Variants in MMRN1 observed in about 807,000 individuals in gnomAD.
MMRN1 encodes multimerin-1.
A neutral mutation model predicts 100.7 loss-of-function variants in MMRN1; 94 were observed. The observed-to-expected ratio is 0.93, with a 90% confidence interval of 0.79 to 1.11. The LOEUF (loss-of-function observed/expected upper bound fraction) is 1.11, where lower values mean the gene tolerates loss of function less well. Ranked by LOEUF, MMRN1 falls within the 50% of genes least tolerant of loss-of-function variation. MMRN1 has a pLI of 0.00. For synonymous variants in MMRN1, 575 were observed against 505.0 expected (o/e 1.14, Z -1.86); for missense variants, 1,606 against 1,439.1 (o/e 1.12, Z -1.88).
chr4:89,921,451 C>G (rs1343580467), intron 3 of MMRN1, among the ~76,000 whole-genome samples: 1 of 152,062 alleles, frequency 6.6e-6, no homozygotes, highest in East Asian at 1.9e-4. Flanking sequence ...AATAAAATGC[C>G]TTAGTACACC....
Position 89,953,151 on chromosome 4 carries a change from GTA to G in MMRN1, c.3422_3423del (p.Tyr1141SerfsTer14). 6.2e-7 allele frequency: 1 copy of G among 1,613,708 alleles called. No homozygotes were observed. The highest frequency in any genetic ancestry group is 8.5e-7 in the Non-Finnish European group (1 of 1,179,846). ...CAAGAACTGGAAAATTTAGAATTCC[GTA>G]TCTTGGAGTATATGTTTTCAAGTAC... ...TPRTGKFRIP[Y>X]LGVYVFKYTI... On this transcript the variant is annotated frameshift_variant, in exon 8 of 8. Transcript: ENST00000264790. LOFTEE classifies it high-confidence loss of function.
chr4:89,897,221 T>TTG (rs1721233852), intron 1 of MMRN1, among the ~76,000 whole-genome samples: 1 of 152,004 alleles, frequency 6.6e-6, no homozygotes, highest in South Asian at 2.1e-4. Flanking sequence ...AGAATTTTTT[T>TTG]TTTTTTGAGA....
chr4:89,894,742 A>G, upstream of MMRN1: 1 of 495,558 alleles, frequency 2.0e-6, no homozygotes, highest in Non-Finnish European at 3.3e-6. Context: ...GAGACCCTTC[A>G]GCACTTCCAT....
intron 5 of MMRN1, among the ~76,000 whole-genome samples, chr4:89,928,360 A>G (rs1722332965): frequency 6.6e-6 from 1 of 152,166 alleles, no homozygotes; most frequent in Admixed American, 6.6e-5. Context: ...GGAGACATTG[A>G]GGATAAATCT....
At chr4:89,920,355 C>A (rs991387529) in intron 3 of MMRN1, among the ~76,000 whole-genome samples, 5 of 152,098 alleles carry the variant, frequency 3.3e-5, no homozygotes, top group Non-Finnish European at 7.4e-5. Context: ...CTGAGACATT[C>A]TAAAATTGTC....
chr4:89,895,172 A>G lies in MMRN1; in HGVS notation c.201A>G (p.Thr67=). The change falls in exon 1 of 8, where the codon ACA becomes ACG. Residue 67 remains threonine, a synonymous_variant. Coordinates refer to ENST00000264790, the MANE Select transcript of MMRN1 (RefSeq NM_007351.3). ...GGGTCATGTCGGCGGAGATAGCTAC[A>G]ACTCCAGAGGCAAGAACTTCTGAAG... The part of the protein sequence containing the change: ...TTRVMSAEIA[T]TPEARTSEDS... 1.2e-6 allele frequency: 2 copies of G among 1,613,858 alleles called. No homozygotes were observed. Among genetic ancestry groups the G allele is most frequent in the Non-Finnish European group, 1.7e-6 (2 of 1,179,912 alleles).
intron 1 of MMRN1, among the ~76,000 whole-genome samples, chr4:89,896,880 T>C (rs1212239818): frequency 6.6e-6 from 1 of 152,164 alleles, no homozygotes; most frequent in African/African-American, 2.4e-5. Flanking sequence ...AAAAAAGTAT[T>C]CACTTGGTGG....
chr4:89,888,448 T>C (rs1195374783), intron 1 of MMRN1, among the ~76,000 whole-genome samples: 2 of 151,832 alleles, frequency 1.3e-5, no homozygotes, highest in South Asian at 2.1e-4. Flanking sequence ...GGCGTGTTTT[T>C]TTTTTTCCTG....
chr4:89,951,012 T>A (rs62312664), intron 6 of MMRN1, among the ~76,000 whole-genome samples: 8 of 151,922 alleles, frequency 5.3e-5, no homozygotes, highest in East Asian at 1.9e-4. Context: ...GTTTTAATTC[T>A]TAGGTCAAAC....
chr4:89,915,885 GA>G (rs1277089992), intron 3 of MMRN1, among the ~76,000 whole-genome samples: 3 of 151,688 alleles, frequency 2.0e-5, no homozygotes, highest in Non-Finnish European at 4.4e-5. Context: ...AAGAAACTTA[GA>G]AATCTGTCCT....
chr4:89,934,713 G>A (rs550074999), intron 5 of MMRN1, 97 bp from the exon 6 acceptor site: 89 of 589,984 alleles, frequency 1.5e-4, no homozygotes, highest in South Asian at 1.1e-3. Flanking sequence ...TTATTATTAC[G>A]TGTTATTAAT....
Position 89,895,575 on chromosome 4 carries a change from T to G in MMRN1, c.604T>G (p.Phe202Val), listed in dbSNP as rs561051648. 1.0e-4 allele frequency: 163 copies of G among 1,613,440 alleles called. 1 individual carries two copies. The South Asian group carries it at 1.7e-3, about 17-fold the overall frequency. The change falls in exon 1 of 8, where the codon TTC becomes GTC. Residue 202 changes from phenylalanine to valine, a missense_variant. Phe to Val is a conservative substitution (Grantham distance 50, BLOSUM62 -1). Transcript: ENST00000264790. ...SQRTDYQKSN[F>V]ETTRGKNWCA... The stretch of plus-strand genomic sequence containing the variant: ...AAGAACTGACTACCAAAAATCAAAT[T>G]TCGAAACAACTAGAGGAAAGTAAGA...
rs142989689 is a variant in MMRN1 at position 89,949,660 on chromosome 4, A to G, written c.3119-1945A>G. 4.9e-3 allele frequency among the ~76,000 whole-genome samples: 753 copies of G among 152,354 alleles called. 7 individuals are homozygous for G. Among genetic ancestry groups the G allele is most frequent in the African/African-American group, 0.017 (691 of 41,592 alleles). On this transcript the variant is annotated intron_variant, in intron 6 of 7. Transcript: ENST00000264790. ...GGTATTACACACATGTAATATTTTA[A>G]TACTTTTCTTAATAAGGAAAATAGT...
At chr4:89,885,611 T>G (rs1354321221) in intron 1 of MMRN1, among the ~76,000 whole-genome samples, 1 of 152,124 alleles carries the variant, frequency 6.6e-6, no homozygotes, top group East Asian at 1.9e-4. Context: ...TCTAAATGTC[T>G]CTTTCTACCA....
Position 89,953,388 on chromosome 4 carries a change from AT to A in MMRN1, c.3660del (p.Phe1220LeufsTer13). The A allele has an allele frequency of 6.2e-7, 1 of 1,610,084 alleles. No homozygotes were observed. The highest frequency in any genetic ancestry group is 8.5e-7 in the Non-Finnish European group (1 of 1,178,470). The stretch of plus-strand genomic sequence containing the variant: ...CAGCCAAGTTTCCCCCTGTTACTAC[AT>A]TTAGTGGCTATTTATTATATCGTAC... ...IPAKFPPVTT[F>X]SGYLLYRT On this transcript the variant is annotated frameshift_variant, in exon 8 of 8. Coordinates refer to ENST00000264790, the MANE Select transcript of MMRN1 (RefSeq NM_007351.3). LOFTEE classifies it high-confidence loss of function.
intron 1 of MMRN1, among the ~76,000 whole-genome samples, chr4:89,898,193 AAATAAT>A (rs201296240): frequency 6.6e-6 from 1 of 152,034 alleles, no homozygotes; most frequent in Non-Finnish European, 1.5e-5. Flanking sequence ...TTTGATTGGC[AAATAAT>A]AATAATAATA....
intron 6 of MMRN1, among the ~76,000 whole-genome samples, chr4:89,946,390 T>G (rs78645091): frequency 0.033 from 4,951 of 152,220 alleles, 247 homozygotes; most frequent in African/African-American, 0.11. Context: ...ACTGTTTACA[T>G]GAAGAAATTA....
In MMRN1 at chr4:89,936,555, C is replaced by A; in HGVS notation, c.2875C>A (p.Leu959Ile). 2 of 1,612,748 alleles carry A rather than the reference C, an allele frequency of 1.2e-6. No individual in the cohort carries two copies. The highest frequency in any genetic ancestry group is 1.1e-5 in the South Asian group (1 of 90,772). Residue 959 changes from leucine (L) to isoleucine (I), a missense_variant, in exon 6 of 8, where the codon CTT (leucine) becomes ATT (isoleucine). By Grantham distance (5) the Leu-to-Ile change is conservative. Coordinates refer to ENST00000264790, the MANE Select transcript of MMRN1 (RefSeq NM_007351.3). The part of the protein sequence containing the change: ...IKHSLPDIQL[L>I]QKGLTEFVEP... The stretch of plus-strand genomic sequence containing the variant: ...ACATTCCCTGCCAGATATTCAACTT[C>A]TTCAGAAAGGTCTAACAGAATTTGT...
intron 3 of MMRN1, among the ~76,000 whole-genome samples, chr4:89,918,224 T>G (rs2110607669): frequency 6.6e-6 from 1 of 151,420 alleles, no homozygotes; most frequent in East Asian, 1.9e-4. Context: ...TACATGAAAT[T>G]TTTATATCTA....
Sources: allele counts gnomAD v4.1 joint callset (sites outside exome capture counted in the v4.1 genomes callset), GRCh38; gene constraint gnomAD v4.1.1; transcripts MANE v1.5; gene names NCBI Gene and HGNC (gene_info 2026-07-23, HGNC 2026-07-21).